SYT17: variants seen among roughly 807,000 people sequenced by gnomAD.
SYT17 encodes the protein synaptotagmin-17.
SYT17 carries 22 observed loss-of-function variants against 46.7 expected under a neutral mutation model. The observed-to-expected ratio is 0.47, with a 90% CI of 0.34 to 0.67. The LOEUF (loss-of-function observed/expected upper bound fraction) is 0.67, where lower values mean the gene tolerates loss of function less well. SYT17 is among the 30% of genes least tolerant of loss of function. The pLI is 0.01. For synonymous variants in SYT17, 251 were observed against 248.4 expected (o/e 1.01, Z -0.10); for missense variants, 519 against 612.8 (o/e 0.85, Z 1.62).
rs74011539 is a variant in SYT17 at position 19,206,422 on chromosome 16, G to A, written c.952-16623G>A. ...GCATGGCTGAGGTCACACACTCAGT[G>A]TATGTGGGAGAGCTGGGATTGCAAT... On this transcript the variant is annotated intron_variant, in intron 5 of 7. Coordinates refer to ENST00000355377, the MANE Select transcript of SYT17 (RefSeq NM_016524.4). 3.7e-3 allele frequency among the ~76,000 whole-genome samples: 559 copies of A among 152,302 alleles called. 5 individuals are homozygous for A. Among genetic ancestry groups the A allele is most frequent in the African/African-American group, 0.013 (540 of 41,560 alleles).
intron 7 of SYT17, among the ~76,000 whole-genome samples, chr16:19,230,911 G>A (rs1289046811): frequency 7.9e-5 from 12 of 152,164 alleles, no homozygotes; most frequent in African/African-American, 2.4e-4. Context: ...AATATGAGAC[G>A]TTATTATTAT....
At position 19,198,681 on chromosome 16, in the gene SYT17, A is replaced by C. The variant is rs181949027; in HGVS notation, c.951+14534A>C. On this transcript the variant is annotated intron_variant, in intron 5 of 7. Transcript: ENST00000355377. ...GCTGTGTTAACTGTTGCCCTGTCTC[A>C]CTGAGGCTCAGCTTGTTGGAAAATG... 2.0e-5 allele frequency among the ~76,000 whole-genome samples: 3 copies of C among 152,336 alleles called. 1 individual carries two copies. Among genetic ancestry groups the C allele is most frequent in the African/African-American group, 4.8e-5 (2 of 41,574 alleles).
At chr16:19,190,541 A>G (rs572958863) in intron 5 of SYT17, among the ~76,000 whole-genome samples, 4 of 152,162 alleles carry the variant, frequency 2.6e-5, no homozygotes, top group African/African-American at 7.2e-5. Flanking sequence ...CTGAAACCCT[A>G]CACCCATTAA....
intron 5 of SYT17, among the ~76,000 whole-genome samples, chr16:19,209,511 G>A (rs1965808429): frequency 6.6e-6 from 1 of 152,158 alleles, no homozygotes; most frequent in Non-Finnish European, 1.5e-5. Flanking sequence ...ATATAATCCA[G>A]TGTGAAATGC....
chr16:19,240,216 G>T lies in SYT17; in HGVS notation c.1228+15378G>T, dbSNP rs899614810. On this transcript the variant is annotated intron_variant, in intron 7 of 7. Transcript: ENST00000355377. ...CCCTGTTTGTGTTACAGCTCTTTTA[G>T]CCCTGCCATTTGGCAGGCCCTGAGT... is the stretch of plus-strand genomic sequence containing the variant. Among the ~76,000 whole-genome samples, 2 of 152,132 alleles carry T rather than the reference G, an allele frequency of 1.3e-5. 1 individual carries two copies. The highest frequency in any genetic ancestry group is 4.8e-5 in the African/African-American group (2 of 41,434).
intron 7 of SYT17, among the ~76,000 whole-genome samples, chr16:19,243,175 G>A (rs1045643696): frequency 3.3e-5 from 5 of 152,130 alleles, no homozygotes; most frequent in African/African-American, 1.2e-4. Flanking sequence ...TGGGTGAAGA[G>A]TCAGTAGGGC....
At chr16:19,257,293 G>A (rs533364717) in intron 7 of SYT17, among the ~76,000 whole-genome samples, 1 of 149,742 alleles carries the variant, frequency 6.7e-6, no homozygotes, top group Admixed American at 6.7e-5. Context: ...TAGAACCAAA[G>A]AAATGTCATA....
At chr16:19,233,991 G>A (rs1225426251) in intron 7 of SYT17, among the ~76,000 whole-genome samples, 2 of 152,286 alleles carry the variant, frequency 1.3e-5, no homozygotes, top group African/African-American at 4.8e-5. Flanking sequence ...TGGCTATTCA[G>A]AGTATGGATT....
chr16:19,176,806 G>A (rs942736574), intron 3 of SYT17, among the ~76,000 whole-genome samples: 1 of 152,090 alleles, frequency 6.6e-6, no homozygotes, highest in South Asian at 2.1e-4. Context: ...TGAGAGCCGC[G>A]GCAACCGGCT....
chr16:19,220,303 C>CTTTCTTTTTTTTTTTTTTTT lies in SYT17; in HGVS notation c.952-2739_952-2738insCTTTTTTTTTTTTTTTTTTT, dbSNP rs776097400. ...TTCAATGACATTTCTTTCTTTCTTT[C>CTTTCTTTTTTTTTTTTTTTT]TTTTTTTTTTTTTTTTTGAGATGAA... On this transcript the variant is annotated intron_variant, in intron 5 of 7. Coordinates refer to ENST00000355377, the MANE Select transcript of SYT17 (RefSeq NM_016524.4). Among the ~76,000 whole-genome samples, 102 of 80,488 alleles carry CTTTCTTTTTTTTTTTTTTTT rather than the reference C, an allele frequency of 1.3e-3. 1 individual carries two copies. The highest frequency in any genetic ancestry group is 3.9e-3 in the East Asian group (8 of 2,040). The allele number at this position is 80,488 out of a possible 152,430, so 52.8% of individuals were successfully genotyped here.
At chr16:19,227,687 G>A (rs147910080) in intron 7 of SYT17, among the ~76,000 whole-genome samples, 2 of 152,264 alleles carry the variant, frequency 1.3e-5, no homozygotes, top group Non-Finnish European at 2.9e-5. Context: ...ATGTTCTGCT[G>A]TGTAGCATTC....
At chr16:19,172,480 G>A in intron 1 of SYT17, 1 of 1,468,292 alleles carries the variant, frequency 6.8e-7, no homozygotes, top group Non-Finnish European at 8.9e-7. Context: ...ATTCATAACA[G>A]CATACGGTGC....
chr16:19,241,571 G>T (rs956278306), intron 7 of SYT17, among the ~76,000 whole-genome samples: 2 of 152,144 alleles, frequency 1.3e-5, no homozygotes, highest in African/African-American at 2.4e-5. Context: ...TCACTGGGTC[G>T]CTCTCTGCCC....
At chr16:19,182,311 A>C (rs911137387) in intron 4 of SYT17, among the ~76,000 whole-genome samples, 22 of 152,184 alleles carry the variant, frequency 1.4e-4, no homozygotes, top group Admixed American at 7.8e-4. Context: ...GCTACTTGAG[A>C]GGCTGAGCCA....
intron 2 of SYT17, 123 bp downstream of exon 2, chr16:19,172,900 CG>C (rs1964155996): frequency 8.2e-7 from 1 of 1,225,958 alleles, no homozygotes; most frequent in South Asian, 1.4e-5. Context: ...GTGTTAATAA[CG>C]GCACAGTTTC....
At chr16:19,240,698 T>C (rs1367820588) in intron 7 of SYT17, among the ~76,000 whole-genome samples, 1 of 152,178 alleles carries the variant, frequency 6.6e-6, no homozygotes, top group Non-Finnish European at 1.5e-5. Flanking sequence ...CCAGCCCTCT[T>C]CTGCCCAGAA....
At chr16:19,188,313 AAC>A (rs1020255183) in intron 5 of SYT17, among the ~76,000 whole-genome samples, 3 of 152,076 alleles carry the variant, frequency 2.0e-5, no homozygotes, top group African/African-American at 7.2e-5. Flanking sequence ...AGAGGGGAAC[AAC>A]ACACAGTGGG....
upstream of SYT17, chr16:19,168,098 C>A: frequency 6.4e-6 from 1 of 156,674 alleles, no homozygotes; most frequent in Non-Finnish European, 1.4e-5. This position sits in a 1 kb window ranked among gnomAD's most constrained non-coding sequence, Gnocchi z 6.9. Flanking sequence ...TGGCAGGCTG[C>A]ACTGTGTCCC....
At chr16:19,198,036 G>C (rs1965320989) in intron 5 of SYT17, among the ~76,000 whole-genome samples, 1 of 151,496 alleles carries the variant, frequency 6.6e-6, no homozygotes, top group Non-Finnish European at 1.5e-5. Context: ...TGAGTTACTT[G>C]TCATCTCTAA....
Sources: gnomAD v4.1 joint callset for allele counts (sites outside exome capture counted in the v4.1 genomes callset) on GRCh38, gnomAD v4.1.1 for gene constraint, Gnocchi (gnomAD v3.1) non-coding constraint, MANE v1.5 for transcripts, NCBI Gene and HGNC (gene_info 2026-07-23, HGNC 2026-07-21) for gene names.